Variants in SAMD4A observed in about 807,000 individuals in gnomAD.
SAMD4A encodes the protein sterile alpha motif domain containing 4A.
A neutral mutation model predicts 81.3 loss-of-function variants in SAMD4A; 33 were observed. That is an observed-to-expected ratio of 0.41 (90% CI 0.31 to 0.54). The LOEUF (loss-of-function observed/expected upper bound fraction) is 0.54. Ranked by LOEUF, SAMD4A falls within the 20% of genes least tolerant of loss-of-function variation. SAMD4A has a pLI of 0.37. For missense variants in SAMD4A, 854 were observed against 951.1 expected, an observed-to-expected ratio of 0.90 and a Z score of 1.34; for synonymous variants, 389 against 382.1, an observed-to-expected ratio of 1.02 and a Z score of -0.21.
chr14:54,637,523 C>A (rs1193587325), intron 2 of SAMD4A, among the ~76,000 whole-genome samples: 2 of 152,080 alleles, frequency 1.3e-5, no homozygotes, highest in African/African-American at 2.4e-5. Flanking sequence ...GTGTCCAAAG[C>A]ATCTGAGAGG....
chr14:54,591,544 T>C (rs2033776362), intron 2 of SAMD4A, among the ~76,000 whole-genome samples: 1 of 152,150 alleles, frequency 6.6e-6, no homozygotes, highest in Non-Finnish European at 1.5e-5. Context: ...TTTTTTTGTT[T>C]TGTTTTTTTT....
At chr14:54,667,686 CAT>C (rs2035785843) in intron 2 of SAMD4A, among the ~76,000 whole-genome samples, 1 of 152,212 alleles carries the variant, frequency 6.6e-6, no homozygotes, top group African/African-American at 2.4e-5. Flanking sequence ...CTCTTGCTGT[CAT>C]GTGCAATTTG....
In SAMD4A at chr14:54,737,263, CAAG is replaced by C. The variant is rs772143223; in HGVS notation, c.962_964del (p.Glu321del). On this transcript the variant is annotated inframe_deletion, in exon 4 of 13. Transcript: ENST00000554335. ...TCAGACCACTGCTCGTAACACATTCCAAGAAGAAGGTAGTGGGATGAAAGGTGA... is the reference window on the plus strand; with the variant it reads ...TCAGACCACTGCTCGTAACACATTCCAAGAAGGTAGTGGGATGAAAGGTGA... 3.7e-6 allele frequency: 6 copies of C among 1,614,016 alleles called. No homozygotes were observed. In the South Asian group the frequency reaches 6.6e-5, roughly 18 times the overall value.
At chr14:54,672,099 AT>A (rs147736345) in intron 2 of SAMD4A, among the ~76,000 whole-genome samples, 3 of 78,908 alleles carry the variant, frequency 3.8e-5, no homozygotes, top group Admixed American at 1.2e-4. Flanking sequence ...ATTTAAATTT[AT>A]TTTTTTTTGA....
intron 3 of SAMD4A, among the ~76,000 whole-genome samples, chr14:54,712,133 G>T (rs1272141379): frequency 6.6e-6 from 1 of 152,188 alleles, no homozygotes; most frequent in Non-Finnish European, 1.5e-5. Flanking sequence ...AAAAGGAAGG[G>T]TGAAGCCTGG....
intron 2 of SAMD4A, among the ~76,000 whole-genome samples, chr14:54,614,977 G>A (rs1402421406): frequency 6.6e-6 from 1 of 152,142 alleles, no homozygotes; most frequent in Non-Finnish European, 1.5e-5. Context: ...TTGGTAGTAT[G>A]CCCAGTGTGT....
chr14:54,662,930 A>C (rs1184308044), intron 2 of SAMD4A, among the ~76,000 whole-genome samples: 1 of 152,198 alleles, frequency 6.6e-6, no homozygotes, highest in Non-Finnish European at 1.5e-5. Flanking sequence ...TGCTCCCTGC[A>C]CTGGGCAGTA....
chr14:54,566,588 G>T (rs1465412817), upstream of SAMD4A, among the ~76,000 whole-genome samples: 1 of 151,700 alleles, frequency 6.6e-6, no homozygotes, highest in Non-Finnish European at 1.5e-5. Context: ...TCCCCGCGGG[G>T]CCGCCCCGCT....
chr14:54,607,997 C>T (rs543244178), intron 2 of SAMD4A, among the ~76,000 whole-genome samples: 1 of 115,796 alleles, frequency 8.6e-6, no homozygotes, highest in Admixed American at 1.2e-4. Context: ...GCTTGGGTGA[C>T]AGAGCAAGAC....
rs2038857850 is a variant in SAMD4A, at chr14:54,776,631, C to T, written c.2044+91C>T. The T allele has an allele frequency of 1.7e-5, 23 of 1,337,364 alleles. No homozygotes were observed. In the South Asian group the frequency reaches 4.1e-4, roughly 24 times the overall value. The allele number at this position is 1,337,364 out of a possible 1,614,324, so 82.8% of individuals were successfully genotyped here. ...CCAGCCAGAAAGTGCTTAGCCTCGACTGTCACCGTGCATTCTTTGGAGCTT... is the reference window on the plus strand; with the variant it reads ...CCAGCCAGAAAGTGCTTAGCCTCGATTGTCACCGTGCATTCTTTGGAGCTT... On this transcript the variant is annotated intron_variant, in intron 11 of 12. Coordinates refer to ENST00000554335, the MANE Select transcript of SAMD4A (RefSeq NM_015589.6).
Position 54,775,089 on chromosome 14 carries a change from A to G in SAMD4A, c.1871A>G (p.Gln624Arg), listed in dbSNP as rs766496392. The change falls in exon 10 of 13, where the codon CAG becomes CGG. Residue 624 changes from glutamine to arginine, a missense_variant. Physicochemically the swap from Gln to Arg is conservative, Grantham distance 43. This residue lies in a region of SAMD4A where 428 missense variants were observed against 471.2 expected (regional missense o/e 0.91). Coordinates refer to ENST00000554335, the MANE Select transcript of SAMD4A (RefSeq NM_015589.6). The stretch of plus-strand genomic sequence containing the variant: ...ACCAGTGGATTCGTCAGCTCCAACC[A>G]GCGCAACACCACAGCTACCCCCACC... ...LGTSGFVSSNQRNTTATPTIM... is the reference protein window; with the variant it reads ...LGTSGFVSSNRRNTTATPTIM... 1 of 1,614,148 alleles carries G rather than the reference A, an allele frequency of 6.2e-7. No homozygotes were observed. The highest frequency in any genetic ancestry group is 1.7e-5 in the Admixed American group (1 of 60,028).
At chr14:54,667,462 C>T (rs2035780394) in intron 2 of SAMD4A, among the ~76,000 whole-genome samples, 1 of 152,168 alleles carries the variant, frequency 6.6e-6, no homozygotes, top group South Asian at 2.1e-4. Context: ...TGGCTTTGCT[C>T]TGTCCTGTGT....
In SAMD4A at chr14:54,792,091, CAGT is replaced by C. The variant is rs2039267959; in HGVS notation, c.*3150_*3152del. ...ATTCATAGTGGCTTCTTACCAGAAACAGTAGGAAGAAACACATGAACTGTGTAC... is the reference window on the plus strand; with the variant it reads ...ATTCATAGTGGCTTCTTACCAGAAACAGGAAGAAACACATGAACTGTGTAC... On this transcript the variant is annotated 3_prime_UTR_variant, in exon 13 of 13. Transcript: ENST00000554335. 6.6e-6 allele frequency: 1 copy of C among 152,192 alleles called. No homozygotes were observed. The highest frequency in any genetic ancestry group is 2.4e-5 in the African/African-American group (1 of 41,442). 9.4% of individuals were successfully genotyped at this position (152,192 alleles called of 1,614,324 possible).
At chr14:54,626,059 T>C (rs9323269) in intron 2 of SAMD4A, among the ~76,000 whole-genome samples, 52,739 of 100,168 alleles carry the variant, frequency 0.53, 11,737 homozygotes, top group East Asian at 0.73. Context: ...TGTGTGTGTG[T>C]GCGCGCGCGC....
chr14:54,684,632 A>T (rs2036213530), intron 2 of SAMD4A, among the ~76,000 whole-genome samples: 1 of 29,514 alleles, frequency 3.4e-5, no homozygotes, highest in East Asian at 7.1e-4. Context: ...CCAACCAGAA[A>T]CGGGAAACCT....
intron 2 of SAMD4A, among the ~76,000 whole-genome samples, chr14:54,585,122 G>T (rs2033579715): frequency 6.6e-6 from 1 of 151,936 alleles, no homozygotes; most frequent in Admixed American, 6.6e-5. Flanking sequence ...ATGCCATTTG[G>T]TGAAAAAAAT....
chr14:54,671,694 G>A (rs1382914173), intron 2 of SAMD4A, among the ~76,000 whole-genome samples: 1 of 152,248 alleles, frequency 6.6e-6, no homozygotes, highest in East Asian at 1.9e-4. Context: ...GTGGGTGTGT[G>A]TGAAGCCTGA....
chr14:54,767,007 C>T (rs768997321), intron 8 of SAMD4A, among the ~76,000 whole-genome samples: 1 of 152,188 alleles, frequency 6.6e-6, no homozygotes, highest in African/African-American at 2.4e-5. Flanking sequence ...AGGGGCCTCT[C>T]GTGGCTGGGG....
intron 2 of SAMD4A, among the ~76,000 whole-genome samples, chr14:54,626,665 G>T (rs915966681): frequency 2.6e-5 from 4 of 151,952 alleles, no homozygotes; most frequent in African/African-American, 4.8e-5. Flanking sequence ...TTCCAGTTGC[G>T]TTTGTTTTTC....
Sources: gnomAD v4.1 joint callset for allele counts (sites outside exome capture counted in the v4.1 genomes callset) on GRCh38, gnomAD v4.1.1 for gene constraint, gnomAD v4.1.1 regional missense constraint, MANE v1.5 for transcripts, NCBI Gene and HGNC (gene_info 2026-07-23, HGNC 2026-07-21) for gene names.